The following TRERF1 variants were observed in gnomAD, a reference collection of about 807,000 sequenced individuals.
TRERF1 encodes transcriptional regulating factor 1, also known as transcriptional-regulating factor 1.
Under a neutral mutation model 122.9 loss-of-function variants are expected in TRERF1, and 27 were observed. That is an observed-to-expected ratio of 0.22 (90% CI 0.16 to 0.30). The LOEUF (loss-of-function observed/expected upper bound fraction) is 0.30, where lower values mean the gene tolerates loss of function less well. Among genes scored for constraint, TRERF1 ranks in the 10% least tolerant of loss-of-function variants. The pLI, the probability that TRERF1 is intolerant of heterozygous loss-of-function variation, is 1.00. For synonymous variants in TRERF1, 636 were observed against 641.7 expected (o/e 0.99, Z 0.13); for missense variants, 1,248 against 1,560.3 (o/e 0.80, Z 3.37).
intron 4 of TRERF1, among the ~76,000 whole-genome samples, chr6:42,281,220 T>C (rs1782245695): frequency 6.6e-6 from 1 of 152,182 alleles, no homozygotes. Flanking sequence ...AACTTCCCTT[T>C]GCTGCTAGGG....
intron 3 of TRERF1, among the ~76,000 whole-genome samples, chr6:42,362,742 C>T (rs572419179): frequency 1.8e-4 from 28 of 152,310 alleles, no homozygotes; most frequent in African/African-American, 6.7e-4. Flanking sequence ...TCCATTGGAT[C>T]CTCAACTATT....
chr6:42,320,414 C>A (rs925066704), intron 3 of TRERF1, among the ~76,000 whole-genome samples: 13 of 152,028 alleles, frequency 8.6e-5, no homozygotes, highest in African/African-American at 3.1e-4. Flanking sequence ...GAGATCAATT[C>A]TGAGCACAAC....
chr6:42,401,416 A>C (rs1277658303), intron 2 of TRERF1, among the ~76,000 whole-genome samples: 1 of 152,154 alleles, frequency 6.6e-6, no homozygotes, highest in East Asian at 1.9e-4. Context: ...AGGTACTTTA[A>C]ATATCTCATC....
intron 3 of TRERF1, among the ~76,000 whole-genome samples, chr6:42,315,745 T>C (rs996299212): frequency 2.4e-5 from 3 of 126,814 alleles, no homozygotes; most frequent in African/African-American, 6.2e-5. Context: ...AACGTCATAG[T>C]GAAGTGTCTG....
intron 2 of TRERF1, among the ~76,000 whole-genome samples, chr6:42,390,931 C>A (rs1777628514): frequency 6.6e-6 from 1 of 152,182 alleles, no homozygotes; most frequent in Non-Finnish European, 1.5e-5. Context: ...CCAAGCCCTG[C>A]ACTCCAGGGA....
intron 3 of TRERF1, among the ~76,000 whole-genome samples, chr6:42,317,547 G>T (rs936192926): frequency 6.6e-6 from 1 of 151,908 alleles, no homozygotes; most frequent in Non-Finnish European, 1.5e-5. Flanking sequence ...TAGAGACAGG[G>T]TCTCATTTTG....
chr6:42,369,764 C>T (rs1773432001), intron 2 of TRERF1, among the ~76,000 whole-genome samples: 1 of 152,136 alleles, frequency 6.6e-6, no homozygotes, highest in South Asian at 2.1e-4. Flanking sequence ...GCCCAGTCTC[C>T]ACCCAGGAGG....
chr6:42,320,973 GA>G, intron 3 of TRERF1, among the ~76,000 whole-genome samples: 1 of 152,224 alleles, frequency 6.6e-6, no homozygotes, highest in South Asian at 2.1e-4. Context: ...CAAATATTAT[GA>G]GATTCCATTA....
At chr6:42,312,109 G>T (rs1224526175) in intron 3 of TRERF1, among the ~76,000 whole-genome samples, 1 of 152,124 alleles carries the variant, frequency 6.6e-6, no homozygotes, top group Non-Finnish European at 1.5e-5. Flanking sequence ...TTTAAGCTGG[G>T]TACTGTGTGG....
At chr6:42,233,174 G>C (rs2149490186) in intron 16 of TRERF1, among the ~76,000 whole-genome samples, 1 of 152,256 alleles carries the variant, frequency 6.6e-6, no homozygotes, top group Non-Finnish European at 1.5e-5. Flanking sequence ...CAAGACGTCA[G>C]GGGTTTGGAC....
chr6:42,359,076 A>G (rs1445961384), intron 3 of TRERF1, among the ~76,000 whole-genome samples: 3 of 152,098 alleles, frequency 2.0e-5, no homozygotes, highest in African/African-American at 7.2e-5. Flanking sequence ...CCATCGTCAA[A>G]GCCTCCTCCT....
At chr6:42,400,383 A>C (rs1223311694) in intron 2 of TRERF1, among the ~76,000 whole-genome samples, 4 of 152,160 alleles carry the variant, frequency 2.6e-5, no homozygotes, top group Admixed American at 2.0e-4. Flanking sequence ...TAACAAATAT[A>C]ACTATCCTGT....
chr6:42,423,246 T>G (rs948287952), intron 2 of TRERF1, among the ~76,000 whole-genome samples: 5 of 152,336 alleles, frequency 3.3e-5, no homozygotes, highest in African/African-American at 1.2e-4. Context: ...GCTGGTTCTC[T>G]CATACAAACA....
rs769178468 is a variant in TRERF1 at position 42,268,682 on chromosome 6, C to T, written c.909G>A (p.Pro303=). Residue 303 remains proline, a synonymous_variant, in exon 5 of 18, where the codon CCG becomes CCA. Transcript: ENST00000372922. The surrounding 1 kb of genome is among the most constrained non-coding windows in gnomAD (Gnocchi z 4.4). ...GCTGCTGCGGCTGCTGCTGCTGTGG[C>T]GGCGGCTGTGGCTGTGATGGGCGAA... 1.5e-5 allele frequency: 24 copies of T among 1,613,992 alleles called. No homozygotes were observed. The East Asian group carries it at 2.9e-4, about 19-fold the overall frequency.
chr6:42,410,692 G>A (rs1046020836), intron 2 of TRERF1, among the ~76,000 whole-genome samples: 22 of 152,042 alleles, frequency 1.4e-4, no homozygotes, highest in African/African-American at 5.1e-4. Flanking sequence ...ATCAATCAAT[G>A]GCCATGTGTC....
chr6:42,436,814 A>AAAAAAT lies in TRERF1; in HGVS notation c.-454+14362_-454+14363insATTTTT, dbSNP rs61427173. Reference sequence around the variant, plus strand: ...ATCTCCCTCTACAAAAAAAAAAAAAAATATATATATATATATATATATATA... The same window carrying AAAAAAT: ...ATCTCCCTCTACAAAAAAAAAAAAAAAAAAATATATATATATATATATATATATATA... On this transcript the variant is annotated intron_variant, in intron 2 of 17. Transcript: ENST00000372922. Among the ~76,000 whole-genome samples, 37 of 66,682 alleles carry AAAAAAT rather than the reference A, an allele frequency of 5.5e-4. No homozygotes were observed. The East Asian group carries it at 8.2e-3, about 15-fold the overall frequency. 43.7% of individuals were successfully genotyped at this position (66,682 alleles called of 152,430 possible).
intron 3 of TRERF1, among the ~76,000 whole-genome samples, chr6:42,332,328 C>T (rs1765389153): frequency 6.6e-6 from 1 of 152,222 alleles, no homozygotes; most frequent in Non-Finnish European, 1.5e-5. Flanking sequence ...CGGGGCCAAG[C>T]CCAAGAACGC....
At chr6:42,258,224 C>A in intron 9 of TRERF1, 23 bp from the exon 10 acceptor site, 1 of 1,611,486 alleles carries the variant, frequency 6.2e-7, no homozygotes, top group South Asian at 1.1e-5. Flanking sequence ...AATCAGAGGT[C>A]ACTAGTCAAC....
intron 15 of TRERF1, among the ~76,000 whole-genome samples, chr6:42,237,027 G>C (rs980815101): frequency 5.3e-5 from 8 of 152,224 alleles, no homozygotes; most frequent in Non-Finnish European, 1.0e-4. Flanking sequence ...TATTTGTCAT[G>C]TGCTTTTCCT....
Sources: gnomAD v4.1 joint callset for allele counts (sites outside exome capture counted in the v4.1 genomes callset) on GRCh38, gnomAD v4.1.1 for gene constraint, Gnocchi (gnomAD v3.1) non-coding constraint, MANE v1.5 for transcripts, NCBI Gene and HGNC (gene_info 2026-07-23, HGNC 2026-07-21) for gene names.